MAGED1: variants seen among roughly 807,000 people sequenced by gnomAD.
MAGED1 encodes the protein MAGE family member D1.
A neutral mutation model predicts 54.1 loss-of-function variants in MAGED1; 3 were observed. The ratio of observed to expected loss-of-function variants is 0.06; its 90% CI spans 0.03 to 0.14. The LOEUF is 0.14. MAGED1 is among the 10% of genes least tolerant of loss of function. The probability of loss-of-function intolerance (pLI) is 1.00; values close to 1 mark genes in which losing one functional copy is unlikely to be tolerated. For synonymous variants in MAGED1, 217 were observed against 227.3 expected (o/e 0.95, Z 0.41); for missense variants, 485 against 623.4 (o/e 0.78, Z 2.36).
upstream of MAGED1, among the ~76,000 whole-genome samples, chrX:51,889,965 A>C (rs946670728): frequency 1.8e-5 from 2 of 112,764 alleles, no homozygotes; most frequent in Non-Finnish European, 3.7e-5. Context: ...TTGGGAGATA[A>C]TCTGTAAGCC....
upstream of MAGED1, among the ~76,000 whole-genome samples, chrX:51,890,832 CA>C (rs11393540): frequency 0.04 from 2,484 of 62,812 alleles, 77 homozygotes; most frequent in African/African-American, 0.13. Context: ...ATAAGATTGG[CA>C]AAAAAAAAAA....
intron 1 of MAGED1, among the ~76,000 whole-genome samples, chrX:51,840,519 G>A (rs1410177249): frequency 9.2e-6 from 1 of 109,014 alleles, no homozygotes; most frequent in East Asian, 2.9e-4. Flanking sequence ...GTGCCATGTT[G>A]GTGTGCTGCA....
chrX:51,871,199 G>A (rs1927657095), intron 1 of MAGED1, among the ~76,000 whole-genome samples: 1 of 111,086 alleles, frequency 9.0e-6, no homozygotes. Context: ...TATTTTTTTT[G>A]AAGCTGCATT....
In MAGED1 at chrX:51,901,845, C is replaced by G. The variant is rs868979585; in HGVS notation, c.2252C>G (p.Ala751Gly). 1 of 1,209,181 alleles carries G rather than the reference C, an allele frequency of 8.3e-7. No individual in the cohort carries two copies. Among genetic ancestry groups the G allele is most frequent in the Admixed American group, 2.2e-5 (1 of 45,649 alleles). ...CGCTCCAGATTCCCTCAGACCTTTG[C>G]CGGTCCCATTATTGGTCCTGGTGGT... ...NARSRFPQTF[A>G]GPIIGPGGTA... Residue 751 changes from alanine (A) to glycine (G), a missense_variant, in exon 12 of 13, where the codon GCC (alanine) becomes GGC (glycine). Transcript: ENST00000326587.
At chrX:51,885,734 G>C (rs1190117113) in intron 1 of MAGED1, among the ~76,000 whole-genome samples, 7 of 110,672 alleles carry the variant, frequency 6.3e-5, no homozygotes, top group African/African-American at 2.3e-4. Context: ...TTATATTTAA[G>C]TCTTTAACCC....
chrX:51,888,785 C>A (rs1272306077), upstream of MAGED1, among the ~76,000 whole-genome samples: 1 of 111,973 alleles, frequency 8.9e-6, no homozygotes, highest in South Asian at 3.8e-4. Context: ...TAGTACTCAA[C>A]AATAAAACAA....
intron 1 of MAGED1, among the ~76,000 whole-genome samples, chrX:51,875,933 C>A (rs143039904): frequency 2.5e-3 from 281 of 111,621 alleles, no homozygotes; most frequent in African/African-American, 8.9e-3. Flanking sequence ...GGTTCCCAGC[C>A]AGGGGGCTTC....
chrX:51,872,169 G>C (rs1927704706), intron 1 of MAGED1, among the ~76,000 whole-genome samples: 1 of 111,731 alleles, frequency 9.0e-6, no homozygotes, highest in Admixed American at 9.5e-5. Flanking sequence ...GTAGATTCTG[G>C]ATATTAGCCC....
chrX:51,877,312 A>G (rs1557362097), intron 1 of MAGED1, among the ~76,000 whole-genome samples: 2 of 111,517 alleles, frequency 1.8e-5, no homozygotes, highest in Admixed American at 9.6e-5. Context: ...TAATAATAAT[A>G]AATACAGTTT....
intron 1 of MAGED1, among the ~76,000 whole-genome samples, chrX:51,888,048 T>A (rs1339715495): frequency 6.3e-5 from 7 of 111,123 alleles, no homozygotes; most frequent in Non-Finnish European, 9.4e-5. Context: ...GAGGTGGGGA[T>A]GGTTAATGGG....
chrX:51,874,409 G>T (rs782440553), intron 1 of MAGED1, among the ~76,000 whole-genome samples: 2 of 111,411 alleles, frequency 1.8e-5, no homozygotes, highest in Non-Finnish European at 3.8e-5. Context: ...TTGGTTGAAG[G>T]ATCTGTGGAT....
At chrX:51,825,855 C>A (rs782377019) in intron 1 of MAGED1, among the ~76,000 whole-genome samples, 1 of 112,214 alleles carries the variant, frequency 8.9e-6, no homozygotes, top group Non-Finnish European at 1.9e-5. Context: ...TCCTTTCATT[C>A]TTTTTATTTA....
rs188184368 is a variant in MAGED1, at chrX:51,881,658, C to T, written c.-36-12611C>T. 6.3e-5 allele frequency among the ~76,000 whole-genome samples: 7 copies of T among 110,625 alleles called. No homozygotes were observed. In the East Asian group the frequency reaches 2.0e-3, roughly 32 times the overall value. On this transcript the variant is annotated intron_variant, in intron 1 of 12. Transcript: ENST00000375772. ...TCTCGAACTCCTGACCTCAGGTGATCTACCTGCCTCAGCCTCCCAAAGTGC... is the reference window on the plus strand; with the variant it reads ...TCTCGAACTCCTGACCTCAGGTGATTTACCTGCCTCAGCCTCCCAAAGTGC...
intron 9 of MAGED1, 95 bp downstream of exon 9, chrX:51,898,422 T>C (rs782595760): frequency 1.8e-6 from 2 of 1,089,252 alleles, no homozygotes; most frequent in Non-Finnish European, 2.5e-6. Flanking sequence ...GTCTGGAGGG[T>C]TTGGTTTGGG....
At chrX:51,850,447 A>AAT (rs1314772898) in intron 1 of MAGED1, among the ~76,000 whole-genome samples, 3 of 112,074 alleles carry the variant, frequency 2.7e-5, no homozygotes, top group Admixed American at 9.5e-5. Flanking sequence ...GTGGTAAACA[A>AAT]ATACAAATTA....
intron 1 of MAGED1, among the ~76,000 whole-genome samples, chrX:51,804,469 G>A (rs1924961214): frequency 8.9e-6 from 1 of 111,871 alleles, no homozygotes; most frequent in Admixed American, 9.5e-5. Flanking sequence ...TTATTACACA[G>A]CATTTAAATA....
At chrX:51,832,052 AAAG>A (rs1309511341) in intron 1 of MAGED1, among the ~76,000 whole-genome samples, 1 of 111,061 alleles carries the variant, frequency 9.0e-6, no homozygotes, top group Non-Finnish European at 1.9e-5. Context: ...TACTTTTTTG[AAAG>A]AAGATCTCAC....
intron 1 of MAGED1, among the ~76,000 whole-genome samples, chrX:51,880,316 A>G (rs1557362388): frequency 8.9e-6 from 1 of 111,786 alleles, no homozygotes; most frequent in East Asian, 2.8e-4. Flanking sequence ...TATGACATGT[A>G]TGCCAGCATG....
rs111366109 is a variant in MAGED1, at chrX:51,898,033, T to A, written c.1659-81T>A. Reference sequence around the variant, plus strand: ...TAATTCTCCCCTAGCTGAGGAATATTGGGGAGGCTAGATGGGCAAGCTGGT... The same window carrying A: ...TAATTCTCCCCTAGCTGAGGAATATAGGGGAGGCTAGATGGGCAAGCTGGT... On this transcript the variant is annotated intron_variant, in intron 7 of 12. Transcript: ENST00000326587. 2,471 of 955,068 alleles carry A rather than the reference T, an allele frequency of 2.6e-3. 40 individuals carry two copies. In the African/African-American group the frequency reaches 0.039, roughly 15 times the overall value. The allele number at this position is 955,068 out of a possible 1,213,427, so 78.7% of individuals were successfully genotyped here. A position where few individuals can be genotyped will look rare whatever the true frequency, so the allele number is the denominator to read the frequency against.
Sources: allele counts gnomAD v4.1 joint callset (sites outside exome capture counted in the v4.1 genomes callset), GRCh38; gene constraint gnomAD v4.1.1; transcripts MANE v1.5; gene names NCBI Gene and HGNC (gene_info 2026-07-23, HGNC 2026-07-21).